HPR: variants seen among roughly 807,000 people sequenced by gnomAD.
The protein encoded by HPR is haptoglobin-related protein.
HPR carries 17 observed loss-of-function variants against 18.5 expected under a neutral mutation model. The observed-to-expected ratio is 0.92, with a 90% CI of 0.63 to 1.38. The LOEUF (loss-of-function observed/expected upper bound fraction) is 1.38. Ranked by LOEUF, HPR falls within the 40% of genes most tolerant of loss-of-function variation. HPR has a pLI of 0.00. For missense variants in HPR, 457 were observed against 432.4 expected, an observed-to-expected ratio of 1.06 and a Z score of -0.51; for synonymous variants, 176 against 165.0, an observed-to-expected ratio of 1.07 and a Z score of -0.51.
intron 1 of HPR, among the ~76,000 whole-genome samples, chr16:72,063,992 G>A (rs943409899): frequency 1.4e-4 from 21 of 152,046 alleles, no homozygotes; most frequent in African/African-American, 4.3e-4. Context: ...CACCTGTCTC[G>A]GCCTCCCAAA....
At chr16:72,073,760 G>A (rs764358812) in intron 1 of HPR, 132 bp from the exon 2 acceptor site, 1 of 1,584,110 alleles carries the variant, frequency 6.3e-7, no homozygotes, top group South Asian at 1.1e-5. Context: ...CTGCTTAGTG[G>A]GAGGAGTGTG....
rs1221622804 is a variant in HPR at position 72,063,360 on chromosome 16, G to T, written c.5+100G>T. 33 of 1,325,212 alleles carry T rather than the reference G, an allele frequency of 2.5e-5. 6 individuals are homozygous for T. In the Admixed American group the frequency reaches 6.5e-4, roughly 26 times the overall value. 82.1% of individuals were successfully genotyped at this position (1,325,212 alleles called of 1,614,324 possible). A position where few individuals can be genotyped will look rare whatever the true frequency, so the allele number is the denominator to read the frequency against. ...TGCAGAAATAGAACAAAGAAACAGG[G>T]CAAATGGGCTAAATTATAGTGAACC... is the stretch of plus-strand genomic sequence containing the variant. On this transcript the variant is annotated intron_variant, in intron 1 of 4. Coordinates refer to ENST00000540303, the MANE Select transcript of HPR (RefSeq NM_020995.4).
chr16:72,076,193 A>C (rs964448689), intron 4 of HPR, 110 bp from the exon 5 acceptor site: 1 of 1,552,952 alleles, frequency 6.4e-7, no homozygotes, highest in African/African-American at 1.4e-5. Context: ...CAAAGCATTT[A>C]AATCTTTCCA....
At chr16:72,075,052 T>C (rs2041703473) in intron 3 of HPR, 93 bp from the exon 4 acceptor site, 1 of 778,088 alleles carries the variant, frequency 1.3e-6, no homozygotes, top group Non-Finnish European at 2.2e-6. Flanking sequence ...TTTCTTCTTC[T>C]TCTTTTTAAT....
intron 1 of HPR, among the ~76,000 whole-genome samples, chr16:72,064,574 C>T (rs1203548069): frequency 1.3e-5 from 2 of 152,216 alleles, no homozygotes; most frequent in South Asian, 4.1e-4. Flanking sequence ...AGTCCAACTC[C>T]AGCCAATGGA....
chr16:72,068,296 C>T (rs1411855580), intron 1 of HPR, among the ~76,000 whole-genome samples: 6 of 152,074 alleles, frequency 3.9e-5, no homozygotes, highest in African/African-American at 9.7e-5. Context: ...TTAATAAGTG[C>T]GGGCAAGCGA....
Position 72,074,925 on chromosome 16 carries a change from C to G in HPR, c.194-220C>G, listed in dbSNP as rs651266. ...TGTACTGCCTGGCTGTGACCGCCAT[C>G]ACCACAGTGTGTTCTGCTGGGCTTA... On this transcript the variant is annotated intron_variant, in intron 3 of 4. Transcript: ENST00000540303. 8.6e-3 allele frequency among the ~76,000 whole-genome samples: 1,310 copies of G among 152,310 alleles called. 16 individuals are homozygous for G. The highest frequency in any genetic ancestry group is 0.011 in the Non-Finnish European group (767 of 68,030).
intron 1 of HPR, among the ~76,000 whole-genome samples, chr16:72,072,799 CA>C (rs1317829602): frequency 6.6e-6 from 1 of 152,122 alleles, no homozygotes; most frequent in African/African-American, 2.4e-5. Flanking sequence ...AGTAGAATAA[CA>C]GAGCCAAATT....
chr16:72,072,590 C>A (rs1347079988), intron 1 of HPR, among the ~76,000 whole-genome samples: 1 of 152,114 alleles, frequency 6.6e-6, no homozygotes, highest in Non-Finnish European at 1.5e-5. Context: ...ATGGGAAATT[C>A]TTTGGCAAAT....
intron 1 of HPR, among the ~76,000 whole-genome samples, chr16:72,066,082 A>C (rs1205652654): frequency 6.6e-6 from 1 of 152,190 alleles, no homozygotes; most frequent in Non-Finnish European, 1.5e-5. Context: ...GAGCAGTGTA[A>C]AAAGGACATT....
At chr16:72,073,181 G>A (rs1225593211) in intron 1 of HPR, among the ~76,000 whole-genome samples, 1 of 152,150 alleles carries the variant, frequency 6.6e-6, no homozygotes, top group Non-Finnish European at 1.5e-5. Flanking sequence ...CTAGCCAATG[G>A]AGTCAGGATA....
chr16:72,065,450 C>T (rs549785053), intron 1 of HPR, among the ~76,000 whole-genome samples: 2 of 152,022 alleles, frequency 1.3e-5, no homozygotes, highest in African/African-American at 4.8e-5. Context: ...ATGGGAAATA[C>T]CCCAAGAAAG....
chr16:72,064,995 G>A (rs2041582737), intron 1 of HPR, among the ~76,000 whole-genome samples: 2 of 152,158 alleles, frequency 1.3e-5, no homozygotes, highest in Non-Finnish European at 2.9e-5. Context: ...GCAGACCAAG[G>A]TAAGAAATGT....
intron 1 of HPR, among the ~76,000 whole-genome samples, chr16:72,067,641 G>A (rs577720382): frequency 1.6e-4 from 24 of 152,242 alleles, no homozygotes; most frequent in East Asian, 7.8e-4. Context: ...TAAACACCCC[G>A]CACTGGGAAG....
chr16:72,066,162 C>T (rs2041595560), intron 1 of HPR, among the ~76,000 whole-genome samples: 1 of 152,170 alleles, frequency 6.6e-6, no homozygotes, highest in Admixed American at 6.5e-5. Context: ...AGGGGTATCA[C>T]AAGGAGGGGA....
intron 1 of HPR, among the ~76,000 whole-genome samples, chr16:72,066,800 T>C (rs2041602882): frequency 6.6e-6 from 1 of 151,948 alleles, no homozygotes; most frequent in African/African-American, 2.4e-5. Flanking sequence ...GCTCAAAAGG[T>C]GTATGTGAGG....
At chr16:72,066,026 T>C (rs1440636631) in intron 1 of HPR, among the ~76,000 whole-genome samples, 4 of 152,186 alleles carry the variant, frequency 2.6e-5, no homozygotes. Flanking sequence ...AGCCTGTTCA[T>C]TGCCAACCTA....
Position 72,075,181 on chromosome 16 carries a change from A to C in HPR, c.230A>C (p.Asn77Thr), listed in dbSNP as rs1311588326. ...TTAAATGATAAGAAGCAGTGGATAAATAAGGCTGTTGGAGATAAACTTCCT... is the reference window on the plus strand; with the variant it reads ...TTAAATGATAAGAAGCAGTGGATAACTAAGGCTGTTGGAGATAAACTTCCT... ...YTLNDKKQWI[N>T]KAVGDKLPEC... is the part of the protein sequence containing the mutation. Residue 77 changes from asparagine to threonine, a missense_variant, in exon 4 of 5, where the codon AAT (asparagine) becomes ACT (threonine). Asn to Thr is a moderately conservative substitution (Grantham distance 65, BLOSUM62 0). Coordinates refer to ENST00000540303, the MANE Select transcript of HPR (RefSeq NM_020995.4). The C allele has an allele frequency of 6.8e-7, 1 of 1,463,006 alleles. No homozygotes were observed. 90.6% of individuals were successfully genotyped at this position (1,463,006 alleles called of 1,614,324 possible).
chr16:72,068,074 G>A (rs1597416287), intron 1 of HPR, among the ~76,000 whole-genome samples: 1 of 152,098 alleles, frequency 6.6e-6, no homozygotes, highest in Non-Finnish European at 1.5e-5. Flanking sequence ...AACCTTTTTG[G>A]TCAAATTTTA....
Sources: gnomAD v4.1 joint callset for allele counts (sites outside exome capture counted in the v4.1 genomes callset) on GRCh38, gnomAD v4.1.1 for gene constraint, MANE v1.5 for transcripts, NCBI Gene and HGNC (gene_info 2026-07-23, HGNC 2026-07-21) for gene names.